C1QBP: variants seen among roughly 807,000 people sequenced by gnomAD.
C1QBP encodes complement C1q binding protein.
C1QBP carries 24 observed loss-of-function variants against 29.4 expected under a neutral mutation model. The ratio of observed to expected loss-of-function variants is 0.82; its 90% CI spans 0.59 to 1.15. The LOEUF is 1.15. Among genes scored for constraint, C1QBP ranks in the 50% most tolerant of loss-of-function variants. The probability of loss-of-function intolerance (pLI) is 0.00; values close to 1 mark genes in which losing one functional copy is unlikely to be tolerated. For synonymous variants in C1QBP, 182 were observed against 149.2 expected (o/e 1.22, Z -1.60); for missense variants, 337 against 355.8 (o/e 0.95, Z 0.43).
chr17:5,438,931 A>C lies in C1QBP; in HGVS notation c.143T>G (p.Val48Gly). 2 of 1,534,642 alleles carry C rather than the reference A, an allele frequency of 1.3e-6. No homozygotes were observed. Among genetic ancestry groups the C allele is most frequent in the Middle Eastern group, 2.3e-4 (1 of 4,310 alleles). ...CGGCCGCCGCTCGGAACCTGCGCGC[A>C]CGCTGAGCAGCCCGAAGGGCCGGGT... ...LCTRPFGLLSVRAGSERRPGL... is the reference protein window; with the variant it reads ...LCTRPFGLLSGRAGSERRPGL... Residue 48 changes from valine to glycine, a missense_variant, in exon 1 of 6, where the codon GTG (valine) becomes GGG (glycine). Val to Gly is a moderately radical substitution (Grantham distance 109). Transcript: ENST00000225698.
intron 1 of C1QBP, 67 bp from the exon 2 acceptor site, chr17:5,438,340 G>C (rs926417248): frequency 6.5e-7 from 1 of 1,549,032 alleles, no homozygotes; most frequent in Admixed American, 1.9e-5. Context: ...CTATTACCCA[G>C]GTTATTGCAG....
chr17:5,438,839 C>T lies in C1QBP; in HGVS notation c.232+3G>A, dbSNP rs983724268. 9.4e-5 allele frequency: 146 copies of T among 1,547,108 alleles called. No individual in the cohort carries two copies. Among genetic ancestry groups the T allele is most frequent in the Non-Finnish European group, 1.3e-4 (144 of 1,146,130 alleles). On this transcript the variant is annotated splice_donor_region_variant and intron_variant, in intron 1 of 5. Coordinates refer to ENST00000225698, the MANE Select transcript of C1QBP (RefSeq NM_001212.4). ...ACCACACCCCCGGCCCGCTAAACCT[C>T]ACCGTCGGTGTGCAGCGAGCCGCAG...
At chr17:5,438,653 C>G in intron 1 of C1QBP, 189 bp downstream of exon 1, 3 of 1,249,578 alleles carry the variant, frequency 2.4e-6, no homozygotes, top group Non-Finnish European at 3.3e-6. Context: ...TATTCACCCC[C>G]TACCAAAAGA....
chr17:5,439,064 G>A lies in C1QBP; in HGVS notation c.10C>T (p.Leu4=). 2 of 1,539,350 alleles carry A rather than the reference G, an allele frequency of 1.3e-6. No homozygotes were observed. The highest frequency in any genetic ancestry group is 1.2e-5 in the South Asian group (1 of 83,846). ...AGCACACGGGGCACGCAGCGCAGCAGAGGCAGCATCGCGGAAACGACTGCG... is the reference window on the plus strand; with the variant it reads ...AGCACACGGGGCACGCAGCGCAGCAAAGGCAGCATCGCGGAAACGACTGCG... The part of the protein sequence containing the change: MLP[L]LRCVPRVLGS... Residue 4 remains leucine (L), a synonymous_variant, in exon 1 of 6, where the codon CTG becomes TTG. Coordinates refer to ENST00000225698, the MANE Select transcript of C1QBP (RefSeq NM_001212.4).
Position 5,438,115 on chromosome 17 carries a change from G to A in C1QBP, c.383+8C>T. ...TTGCTGCCCTGGGATCCCCAGACCA[G>A]TACTTACTTTTCCCCGGCAACTTTC... On this transcript the variant is annotated splice_region_variant and intron_variant, in intron 2 of 5. Coordinates refer to ENST00000225698, the MANE Select transcript of C1QBP (RefSeq NM_001212.4). The A allele has an allele frequency of 6.2e-7, 1 of 1,611,914 alleles. No individual in the cohort carries two copies. The highest frequency in any genetic ancestry group is 1.3e-5 in the African/African-American group (1 of 74,986).
chr17:5,439,127 GC>G lies in C1QBP; in HGVS notation c.-55del. The G allele has an allele frequency of 1.3e-6, 2 of 1,532,150 alleles. No homozygotes were observed. Among genetic ancestry groups the G allele is most frequent in the Non-Finnish European group, 1.8e-6 (2 of 1,139,652 alleles). 94.9% of individuals were successfully genotyped at this position (1,532,150 alleles called of 1,614,324 possible). On this transcript the variant is annotated 5_prime_UTR_variant, in exon 1 of 6. Coordinates refer to ENST00000225698, the MANE Select transcript of C1QBP (RefSeq NM_001212.4). ...TGCAAAGGACAACCCAGGCCTAGGCGCCCCGCGACCTGAGGCGCCGCCGGAA... is the reference window on the plus strand; with the variant it reads ...TGCAAAGGACAACCCAGGCCTAGGCGCCCGCGACCTGAGGCGCCGCCGGAA...
rs1006844534 is a variant in C1QBP at position 5,438,419 on chromosome 17, TA to T, written c.233-147del. On this transcript the variant is annotated intron_variant, in intron 1 of 5. Transcript: ENST00000225698. ...CTCTAGAAGCCTGTTTCCTTATCGG[TA>T]AAAATACCATAATAGTAGTAGGAAG... 4 of 1,058,620 alleles carry T rather than the reference TA, an allele frequency of 3.8e-6. No individual in the cohort carries two copies. In the African/African-American group the frequency reaches 6.4e-5, roughly 17 times the overall value. 65.6% of individuals were successfully genotyped at this position (1,058,620 alleles called of 1,614,324 possible).
rs368768342 is a variant in C1QBP, at chr17:5,434,974, G to A, written c.384-8C>T. On this transcript the variant is annotated splice_region_variant and splice_polypyrimidine_tract_variant and intron_variant, in intron 2 of 5. Coordinates refer to ENST00000225698, the MANE Select transcript of C1QBP (RefSeq NM_001212.4). ...TTGAAAGTGACCGTGATTCTAAAACGGCAAGGGAAAACAGACAAGGCAAAA... is the reference window on the plus strand; with the variant it reads ...TTGAAAGTGACCGTGATTCTAAAACAGCAAGGGAAAACAGACAAGGCAAAA... 198 of 1,612,024 alleles carry A rather than the reference G, an allele frequency of 1.2e-4. No individual in the cohort carries two copies. The highest frequency in any genetic ancestry group is 1.5e-4 in the Non-Finnish European group (174 of 1,178,398).
chr17:5,432,802 T>A lies in C1QBP; in HGVS notation c.*213A>T. 1 of 807,298 alleles carries A rather than the reference T, an allele frequency of 1.2e-6. No homozygotes were observed. The highest frequency in any genetic ancestry group is 1.8e-6 in the Non-Finnish European group (1 of 542,146). 50.0% of individuals were successfully genotyped at this position (807,298 alleles called of 1,614,324 possible). ...TTGGAGGAGATAAACCAATTTTATGTCTATCATGTTATACAAAAATCTAGA... is the reference window on the plus strand; with the variant it reads ...TTGGAGGAGATAAACCAATTTTATGACTATCATGTTATACAAAAATCTAGA... On this transcript the variant is annotated 3_prime_UTR_variant, in exon 6 of 6. Coordinates refer to ENST00000225698, the MANE Select transcript of C1QBP (RefSeq NM_001212.4).
At position 5,439,089 on chromosome 17, in the gene C1QBP, G is replaced by A. The variant is rs776202786; in HGVS notation, c.-16C>T. The A allele has an allele frequency of 2.4e-4, 371 of 1,540,434 alleles. No individual in the cohort carries two copies. Among genetic ancestry groups the A allele is most frequent in the Non-Finnish European group, 3.1e-4 (355 of 1,143,324 alleles). ...GAGGCAGCATCGCGGAAACGACTGC[G>A]AACACGTGCAGATGCAAAGGACAAC... On this transcript the variant is annotated 5_prime_UTR_variant, in exon 1 of 6. Transcript: ENST00000225698.
At chr17:5,438,050 C>T in intron 2 of C1QBP, 73 bp downstream of exon 2, 1 of 1,536,156 alleles carries the variant, frequency 6.5e-7, no homozygotes, top group Non-Finnish European at 8.8e-7. Flanking sequence ...CAAGGCTCTT[C>T]TGGGGATGAC....
Position 5,439,145 on chromosome 17 carries a change from C to T in C1QBP, c.-72G>A. 1 of 1,520,914 alleles carries T rather than the reference C, an allele frequency of 6.6e-7. No individual in the cohort carries two copies. Among genetic ancestry groups the T allele is most frequent in the South Asian group, 1.2e-5 (1 of 82,786 alleles). 94.2% of individuals were successfully genotyped at this position (1,520,914 alleles called of 1,614,324 possible). A position where few individuals can be genotyped will look rare whatever the true frequency, so the allele number is the denominator to read the frequency against. ...CCTAGGCGCCCCGCGACCTGAGGCG[C>T]CGCCGGAAGCCCCGCCCCTGCCCGG... On this transcript the variant is annotated 5_prime_UTR_variant, in exon 1 of 6. Transcript: ENST00000225698.
chr17:5,435,499 G>A (rs180962601), intron 2 of C1QBP, among the ~76,000 whole-genome samples: 249 of 152,142 alleles, frequency 1.6e-3, no homozygotes, highest in African/African-American at 5.1e-3. Context: ...CCCTGGAACG[G>A]GGAAGGGAAT....
At chr17:5,438,323 C>T (rs367561381) in intron 1 of C1QBP, 50 bp from the exon 2 acceptor site, 1 of 1,593,486 alleles carries the variant, frequency 6.3e-7, no homozygotes, top group African/African-American at 1.4e-5. Flanking sequence ...TAGTCTAAAA[C>T]ATAAAACTAT....
At position 5,436,746 on chromosome 17, in the gene C1QBP, A is replaced by G. The variant is rs182393701; in HGVS notation, c.383+1377T>C. 1.2e-3 allele frequency among the ~76,000 whole-genome samples: 173 copies of G among 147,366 alleles called. 3 individuals carry two copies. The East Asian group carries it at 0.015, about 13-fold the overall frequency. On this transcript the variant is annotated intron_variant, in intron 2 of 5. Transcript: ENST00000225698. The stretch of plus-strand genomic sequence containing the variant: ...AATTAAAAAGGTAAATAGGGTGGGC[A>G]GGGTGGCTCACACCTGAAATCCCAG...
At chr17:5,435,537 G>A (rs1244986141) in intron 2 of C1QBP, among the ~76,000 whole-genome samples, 2 of 152,152 alleles carry the variant, frequency 1.3e-5, no homozygotes, top group East Asian at 3.9e-4. Flanking sequence ...GGCTGTAGTA[G>A]AGACTCATCC....
chr17:5,434,734 G>T, intron 3 of C1QBP, 139 bp downstream of exon 3: 1 of 644,910 alleles, frequency 1.6e-6, no homozygotes, highest in South Asian at 2.1e-5. Context: ...CCAAAGTGCT[G>T]GGATTATAGG....
rs768502642 is a variant in C1QBP, at chr17:5,433,027, G to A, written c.837C>T (p.Val279=). The A allele has an allele frequency of 1.9e-6, 3 of 1,612,948 alleles. No homozygotes were observed. The highest frequency in any genetic ancestry group is 2.2e-5 in the South Asian group (2 of 90,784). ...ITFLEDLKSF[V]KSQ is the part of the protein sequence containing the mutation. ...GCATCTGTCTGCTCTACTGGCTCTT[G>A]ACAAAACTCTTGAGGTCTTCAAGAA... is the stretch of plus-strand genomic sequence containing the variant. The change falls in exon 6 of 6, where the codon GTC becomes GTT. Residue 279 remains valine, a synonymous_variant. Coordinates refer to ENST00000225698, the MANE Select transcript of C1QBP (RefSeq NM_001212.4).
intron 2 of C1QBP, among the ~76,000 whole-genome samples, chr17:5,435,739 G>A (rs3786054): frequency 0.2 from 30,495 of 151,826 alleles, 4,148 homozygotes; most frequent in East Asian, 0.65. Flanking sequence ...CCACACAAGA[G>A]TACATGAAGG....
Sources: gnomAD v4.1 joint callset for allele counts (sites outside exome capture counted in the v4.1 genomes callset) on GRCh38, gnomAD v4.1.1 for gene constraint, MANE v1.5 for transcripts, NCBI Gene and HGNC (gene_info 2026-07-23, HGNC 2026-07-21) for gene names.